The following SYTL5 variants were observed in gnomAD, a reference collection of about 807,000 sequenced individuals.
SYTL5 encodes synaptotagmin-like protein 5.
In SYTL5, 34 loss-of-function variants were observed where a neutral mutation model predicts 55.9. The ratio of observed to expected loss-of-function variants is 0.61; its 90% CI spans 0.46 to 0.81. The LOEUF is 0.81. SYTL5 is among the 30% of genes least tolerant of loss of function. SYTL5 has a pLI of 0.00. For synonymous variants in SYTL5, 221 were observed against 188.7 expected, an observed-to-expected ratio of 1.17 and a Z score of -1.40; for missense variants, 637 against 546.7, an observed-to-expected ratio of 1.17 and a Z score of -1.65.
chrX:38,126,494 TG>T, intron 16 of SYTL5, 93 bp from the exon 17 acceptor site: 1 of 927,135 alleles, frequency 1.1e-6, no homozygotes, highest in Non-Finnish European at 1.5e-6. Context: ...AAAGGTACTC[TG>T]GTGAAAAGGC....
the SYTL5 span, among the ~76,000 whole-genome samples, chrX:37,952,559 CA>C: frequency 1.8e-5 from 2 of 110,933 alleles, no homozygotes; most frequent in Non-Finnish European, 3.8e-5. Flanking sequence ...ATGTCATTAG[CA>C]AAGGTAACTG....
intron 2 of SYTL5, among the ~76,000 whole-genome samples, 175 bp from the exon 3 acceptor site, chrX:38,054,038 G>A (rs757111236): frequency 9.8e-4 from 110 of 111,841 alleles, no homozygotes; most frequent in African/African-American, 3.3e-3. Context: ...TGAAACTAGC[G>A]ACACCAAATA....
chrX:38,064,558 G>C (rs7065895), intron 3 of SYTL5, among the ~76,000 whole-genome samples: 12,551 of 110,000 alleles, frequency 0.11, 679 homozygotes, highest in Middle Eastern at 0.17. Context: ...TAATTTGGAG[G>C]TACTCTTTAT....
intron 9 of SYTL5, among the ~76,000 whole-genome samples, chrX:38,100,958 G>C (rs1425487206): frequency 9.0e-6 from 1 of 110,834 alleles, no homozygotes; most frequent in African/African-American, 3.3e-5. Context: ...AGCAACAAGA[G>C]AATGGATAAA....
In SYTL5 at chrX:38,106,091, G is replaced by T. The variant is rs765663114; in HGVS notation, c.1156-502G>T. Among the ~76,000 whole-genome samples the T allele has an allele frequency of 7.2e-5, 8 of 111,687 alleles. No individual in the cohort carries two copies. The South Asian group carries it at 3.0e-3, about 42-fold the overall frequency. On this transcript the variant is annotated intron_variant, in intron 10 of 16. Coordinates refer to ENST00000297875, the MANE Select transcript of SYTL5 (RefSeq NM_138780.3). The stretch of plus-strand genomic sequence containing the variant: ...TGTCCTTGTTAAAGCTGTAGTTATG[G>T]CTCCCCGGAGACTGATGGGATGCTC...
At chrX:38,050,028 C>G (rs1935581153) in intron 2 of SYTL5, among the ~76,000 whole-genome samples, 1 of 111,904 alleles carries the variant, frequency 8.9e-6, no homozygotes, top group Non-Finnish European at 1.9e-5. Context: ...ACCCTGTGCT[C>G]TGGGCCACTG....
Position 38,033,976 on chromosome X carries a change from A to C in SYTL5, c.87A>C (p.Glu29Asp). The C allele has an allele frequency of 1.7e-6, 2 of 1,184,769 alleles. No individual in the cohort carries two copies. Among genetic ancestry groups the C allele is most frequent in the Non-Finnish European group, 1.1e-6 (1 of 874,540 alleles). The change falls in exon 2 of 17, where the codon GAA (glutamate) becomes GAC (aspartate). Residue 29 changes from glutamate (E) to aspartate (D), a missense_variant. Coordinates refer to ENST00000297875, the MANE Select transcript of SYTL5 (RefSeq NM_138780.3). The stretch of plus-strand genomic sequence containing the variant: ...TCCTGGGCGTCCTAAAGAGAGATGA[A>C]TATTTGAAAAAAGTGGAGGACAAGA... ...EMILGVLKRD[E>D]YLKKVEDKRI...
chrX:38,014,919 G>A (rs1488597306), intron 1 of SYTL5, among the ~76,000 whole-genome samples: 1 of 111,947 alleles, frequency 8.9e-6, no homozygotes, highest in East Asian at 2.8e-4. Flanking sequence ...GAGGTATGTA[G>A]CTTTTTTATC....
At chrX:38,020,771 T>C (rs938984006) in intron 1 of SYTL5, among the ~76,000 whole-genome samples, 3 of 110,316 alleles carry the variant, frequency 2.7e-5, no homozygotes, top group Admixed American at 2.0e-4. Flanking sequence ...GGGTCTAAAT[T>C]TTCTGAGCAT....
At chrX:38,026,481 G>T (rs1183911519) in intron 1 of SYTL5, among the ~76,000 whole-genome samples, 1 of 92,570 alleles carries the variant, frequency 1.1e-5, no homozygotes, top group East Asian at 3.1e-4. Flanking sequence ...TTGGGGGTGA[G>T]TCCATAGAGT....
the SYTL5 span, among the ~76,000 whole-genome samples, chrX:37,975,610 C>A: frequency 9.0e-6 from 1 of 111,645 alleles, no homozygotes; most frequent in East Asian, 2.8e-4. Context: ...TGGCACCAAT[C>A]CTCCCATGGT....
the SYTL5 span, among the ~76,000 whole-genome samples, chrX:37,904,771 C>T: frequency 1.8e-5 from 2 of 110,868 alleles, no homozygotes; most frequent in African/African-American, 6.6e-5. Context: ...TGAAATTGGA[C>T]CCCCATCCTT....
chrX:38,083,774 ATGTGTGTGTGTGTG>A (rs3068306), intron 6 of SYTL5, among the ~76,000 whole-genome samples: 2 of 94,325 alleles, frequency 2.1e-5, no homozygotes, highest in Non-Finnish European at 4.1e-5. Flanking sequence ...AAATAGACTC[ATGTGTGTGTGTGTG>A]TGTGTGTGTG....
chrX:37,905,497 T>G, the SYTL5 span, among the ~76,000 whole-genome samples: 26 of 108,754 alleles, frequency 2.4e-4, no homozygotes, highest in East Asian at 7.3e-3. Flanking sequence ...AGGAAAGACC[T>G]ATGGAAAAGG....
At chrX:38,101,421 A>T (rs1026490546) in intron 9 of SYTL5, among the ~76,000 whole-genome samples, 8 of 111,264 alleles carry the variant, frequency 7.2e-5, no homozygotes, top group Non-Finnish European at 1.1e-4. Flanking sequence ...AACTATAGTT[A>T]AAAAAATTCC....
At chrX:37,926,945 A>G in the SYTL5 span, among the ~76,000 whole-genome samples, 1 of 111,995 alleles carries the variant, frequency 8.9e-6, no homozygotes, top group African/African-American at 3.3e-5. Context: ...CTTATGGAGG[A>G]TTGCCTTTCC....
At chrX:38,066,642 A>C (rs1936107714) in intron 3 of SYTL5, among the ~76,000 whole-genome samples, 1 of 111,219 alleles carries the variant, frequency 9.0e-6, no homozygotes, top group Admixed American at 9.6e-5. Context: ...CACCCTCAAC[A>C]CACAAACATG....
chrX:38,065,659 T>G (rs1026092648), intron 3 of SYTL5, among the ~76,000 whole-genome samples: 1 of 111,911 alleles, frequency 8.9e-6, no homozygotes, highest in East Asian at 2.8e-4. Flanking sequence ...TGTCTAGGGG[T>G]TTCTTTTCAC....
At chrX:37,979,290 G>A in the SYTL5 span, among the ~76,000 whole-genome samples, 1 of 109,046 alleles carries the variant, frequency 9.2e-6, no homozygotes, top group Admixed American at 9.9e-5. Context: ...CAAGAGAAAA[G>A]GAGCAGGTAG....
Sources: gnomAD v4.1 joint callset for allele counts (sites outside exome capture counted in the v4.1 genomes callset) on GRCh38, gnomAD v4.1.1 for gene constraint, MANE v1.5 for transcripts, NCBI Gene and HGNC (gene_info 2026-07-23, HGNC 2026-07-21) for gene names.